HEATR4: variants seen among roughly 807,000 people sequenced by gnomAD.
The protein encoded by HEATR4 is HEAT repeat-containing protein 4.
In HEATR4, 95 loss-of-function variants were observed where a neutral mutation model predicts 108.8. The observed-to-expected ratio is 0.87, with a 90% CI of 0.74 to 1.04. The LOEUF (loss-of-function observed/expected upper bound fraction) is 1.04. Ranked by LOEUF, HEATR4 falls within the 50% of genes least tolerant of loss-of-function variation. The pLI is 0.00. For synonymous variants in HEATR4, 443 were observed against 459.4 expected (o/e 0.96, Z 0.46); for missense variants, 1,152 against 1,253.8 (o/e 0.92, Z 1.23).
At chr14:73,482,606 T>C (rs1885302046) in intron 17 of HEATR4, among the ~76,000 whole-genome samples, 1 of 152,204 alleles carries the variant, frequency 6.6e-6, no homozygotes. Flanking sequence ...TATATGATGG[T>C]TACATGACAT....
At position 73,496,670 on chromosome 14, in the gene HEATR4, G is replaced by T. The variant is rs1018193760; in HGVS notation, c.2556C>A (p.Tyr852Ter). The stretch of plus-strand genomic sequence containing the variant: ...CTAAGTTGAGTATCTTCATTGTCTG[G>T]TACATTTCTCTGAAAGATAAGAAGG... ...ENHDAVLKEM[Y>*]QTMKILNLGN... The change falls in exon 15 of 18, where the codon TAC becomes TAA. Residue 852 changes from tyrosine (Y) to a stop codon, truncating the protein, a stop_gained. Transcript: ENST00000553558. LOFTEE classifies it high-confidence loss of function. The T allele has an allele frequency of 6.4e-7, 1 of 1,566,334 alleles. No homozygotes were observed. The highest frequency in any genetic ancestry group is 8.8e-7 in the Non-Finnish European group (1 of 1,137,004).
At chr14:73,493,732 G>C (rs865939614) in intron 16 of HEATR4, among the ~76,000 whole-genome samples, 1 of 152,176 alleles carries the variant, frequency 6.6e-6, no homozygotes, top group Non-Finnish European at 1.5e-5. Context: ...CAGCTACTAG[G>C]GGGGCTGAGG....
rs775676644 is a variant in HEATR4 at position 73,502,901 on chromosome 14, A to G, written c.2099T>C (p.Ile700Thr). The G allele has an allele frequency of 6.2e-6, 10 of 1,611,060 alleles. No individual in the cohort carries two copies. Among genetic ancestry groups the G allele is most frequent in the Non-Finnish European group, 7.6e-6 (9 of 1,177,542 alleles). Residue 700 changes from isoleucine to threonine, a missense_variant, in exon 11 of 18, where the codon ATA (isoleucine) becomes ACA (threonine). Coordinates refer to ENST00000553558, the MANE Select transcript of HEATR4 (RefSeq NM_001220484.1). The stretch of plus-strand genomic sequence containing the variant: ...CATGTTGACTGGGTCTTACCTGATT[A>G]TGTCGTGCACCTCTTTCCCGAGGCT... ...QMSLGKEVHD[I>T]IRVKLGQGNS...
the HEATR4 span, chr14:73,595,264 T>C: frequency 0.74 from 1,196,792 of 1,614,062 alleles, 448,062 homozygotes; most frequent in East Asian, 0.96. Context: ...TCGTGGACAT[T>C]GTGGATATAA....
rs561622518 is a variant in HEATR4, at chr14:73,482,918, C to T, written c.2845-4076G>A. The stretch of plus-strand genomic sequence containing the variant: ...TCAGGTGATCCACCCATCTCAGCCT[C>T]CCAAAGTGCTGGGATTGCAGGCATG... On this transcript the variant is annotated intron_variant, in intron 17 of 17. Coordinates refer to ENST00000553558, the MANE Select transcript of HEATR4 (RefSeq NM_001220484.1). Among the ~76,000 whole-genome samples the T allele has an allele frequency of 2.0e-5, 3 of 152,216 alleles. No homozygotes were observed. The South Asian group carries it at 6.2e-4, about 32-fold the overall frequency.
rs1666465912 is a variant in HEATR4 at position 73,547,591 on chromosome 14, G to T, written c.-152+11160C>A. Among the ~76,000 whole-genome samples the T allele has an allele frequency of 1.7e-5, 2 of 115,334 alleles. 1 individual carries two copies. Among genetic ancestry groups the T allele is most frequent in the African/African-American group, 5.6e-5 (2 of 35,608 alleles). 75.7% of individuals were successfully genotyped at this position (115,334 alleles called of 152,430 possible). A position where few individuals can be genotyped will look rare whatever the true frequency, so the allele number is the denominator to read the frequency against. The stretch of plus-strand genomic sequence containing the variant: ...CATGGTTTTTAAAAGCATATTTAAA[G>T]TGTATAACATGGACCAGGCACAGTA... On this transcript the variant is annotated intron_variant, in intron 1 of 17. Coordinates refer to ENST00000553558, the MANE Select transcript of HEATR4 (RefSeq NM_001220484.1).
intron 10 of HEATR4, among the ~76,000 whole-genome samples, chr14:73,504,692 T>C (rs542422931): frequency 6.6e-5 from 10 of 152,318 alleles, no homozygotes; most frequent in Non-Finnish European, 1.5e-4. Context: ...GATTTTGTGC[T>C]TCCCATATCA....
chr14:73,587,563 C>G, the HEATR4 span, among the ~76,000 whole-genome samples: 361 of 152,278 alleles, frequency 2.4e-3, 4 homozygotes, highest in African/African-American at 8.5e-3. Flanking sequence ...GCCACATTGG[C>G]CAAGCTGGTC....
the HEATR4 span, among the ~76,000 whole-genome samples, chr14:73,596,700 G>C: frequency 3.9e-5 from 6 of 152,044 alleles, no homozygotes; most frequent in Non-Finnish European, 8.8e-5. Flanking sequence ...CTGGGTTCAA[G>C]CGATTCTCCT....
chr14:73,594,923 T>G, the HEATR4 span: 3 of 1,166,758 alleles, frequency 2.6e-6, no homozygotes, highest in South Asian at 4.4e-5. Flanking sequence ...CAGGCTGGTC[T>G]CAAACTCCTG....
At chr14:73,504,403 C>T (rs181417360) in intron 10 of HEATR4, among the ~76,000 whole-genome samples, 258 of 152,230 alleles carry the variant, frequency 1.7e-3, no homozygotes, top group Non-Finnish European at 3.0e-3. Flanking sequence ...CCACCACACC[C>T]GCCTAATTTT....
At chr14:73,611,987 T>G in the HEATR4 span, among the ~76,000 whole-genome samples, 3 of 152,090 alleles carry the variant, frequency 2.0e-5, no homozygotes, top group Admixed American at 6.6e-5. Flanking sequence ...CTCTCAGTGG[T>G]TTTTGTGCCT....
At chr14:73,618,508 C>T in the HEATR4 span, among the ~76,000 whole-genome samples, 20 of 151,328 alleles carry the variant, frequency 1.3e-4, no homozygotes, top group African/African-American at 4.2e-4. Context: ...GCAGGGCCCA[C>T]GGGCTGACCT....
intron 17 of HEATR4, among the ~76,000 whole-genome samples, chr14:73,487,660 T>C (rs1885503466): frequency 6.6e-6 from 1 of 152,286 alleles, no homozygotes; most frequent in East Asian, 1.9e-4. Context: ...CAAGACGGGA[T>C]AGAAAAAGGC....
chr14:73,538,491 T>G (rs1377165945), intron 1 of HEATR4, among the ~76,000 whole-genome samples: 1 of 110,964 alleles, frequency 9.0e-6, no homozygotes, highest in Non-Finnish European at 1.9e-5. Flanking sequence ...CGGGCGCCTG[T>G]CGTCCCAGCT....
chr14:73,569,899 T>C, the HEATR4 span: 105 of 1,599,268 alleles, frequency 6.6e-5, 2 homozygotes, highest in Middle Eastern at 8.4e-4. Context: ...TCACCTCCGC[T>C]AATTGTTCCG....
At chr14:73,518,168 C>T (rs1038461373) in intron 5 of HEATR4, among the ~76,000 whole-genome samples, 3 of 152,118 alleles carry the variant, frequency 2.0e-5, no homozygotes, top group Non-Finnish European at 4.4e-5. Flanking sequence ...ACAGAATGTG[C>T]CTGTGCCTCC....
rs1325162880 is a variant in HEATR4, at chr14:73,522,475, A to G, written c.678T>C (p.Pro226=). Residue 226 remains proline, a synonymous_variant, in exon 3 of 18, where the codon CCT becomes CCC. Coordinates refer to ENST00000553558, the MANE Select transcript of HEATR4 (RefSeq NM_001220484.1). ...TCTGCCACTTGTTGGGGGATGCCCC[A>G]GGCCTTCGAGGACGCTTGCTCTGGA... ...RWIQSKRPRR[P]GASPNKWQSF... 1.2e-6 allele frequency: 2 copies of G among 1,614,208 alleles called. No individual in the cohort carries two copies. Among genetic ancestry groups the G allele is most frequent in the South Asian group, 2.2e-5 (2 of 91,086 alleles).
the HEATR4 span, among the ~76,000 whole-genome samples, chr14:73,630,873 T>A: frequency 6.6e-6 from 1 of 152,156 alleles, no homozygotes; most frequent in East Asian, 1.9e-4. Context: ...AGAAAAACTT[T>A]CCCTTCTGAG....
Sources: gnomAD v4.1 joint callset for allele counts (sites outside exome capture counted in the v4.1 genomes callset) on GRCh38, gnomAD v4.1.1 for gene constraint, MANE v1.5 for transcripts, NCBI Gene and HGNC (gene_info 2026-07-23, HGNC 2026-07-21) for gene names.